GIGYF2: variants seen among roughly 807,000 people sequenced by gnomAD.
The protein encoded by GIGYF2 is GRB10 interacting GYF protein 2, also known as GRB10-interacting GYF protein 2.
GIGYF2 carries 25 observed loss-of-function variants against 208.1 expected under a neutral mutation model. The ratio of observed to expected loss-of-function variants is 0.12; its 90% CI spans 0.09 to 0.17. The LOEUF is 0.17. GIGYF2 is among the 10% of genes least tolerant of loss of function. GIGYF2 has a pLI of 1.00. For missense variants in GIGYF2, 1,302 were observed against 1,579.4 expected, an observed-to-expected ratio of 0.82 and a Z score of 2.98; for synonymous variants, 534 against 543.8, an observed-to-expected ratio of 0.98 and a Z score of 0.25.
At chr2:232,784,548 G>C (rs976553341) in intron 8 of GIGYF2, among the ~76,000 whole-genome samples, 1 of 151,070 alleles carries the variant, frequency 6.6e-6, no homozygotes, top group African/African-American at 2.4e-5. Context: ...CCGCCACCGC[G>C]CCCGGCTAAT....
chr2:232,733,294 A>G (rs1050874388), intron 2 of GIGYF2, among the ~76,000 whole-genome samples: 1 of 150,856 alleles, frequency 6.6e-6, no homozygotes, highest in Non-Finnish European at 1.5e-5. Flanking sequence ...GGAGGGGACT[A>G]AGTTTACCTC....
chr2:232,807,916 A>G (rs1257255630), intron 15 of GIGYF2, among the ~76,000 whole-genome samples: 1 of 152,206 alleles, frequency 6.6e-6, no homozygotes, highest in African/African-American at 2.4e-5. Context: ...TAAAGTCACC[A>G]TTGACTTATT....
chr2:232,764,640 C>T (rs965301323), intron 8 of GIGYF2: 2 of 152,158 alleles, frequency 1.3e-5, no homozygotes, highest in African/African-American at 2.4e-5. Context: ...CTGTATGTTT[C>T]TAAAGGGCAG....
intron 21 of GIGYF2, among the ~76,000 whole-genome samples, chr2:232,821,549 TCTTA>T (rs1446839241): frequency 2.6e-5 from 4 of 152,198 alleles, no homozygotes; most frequent in African/African-American, 7.2e-5. Context: ...TACTTTTAGC[TCTTA>T]CTTTTAGTTT....
At chr2:232,701,770 C>CA (rs967048647) in intron 1 of GIGYF2, among the ~76,000 whole-genome samples, 18 of 151,798 alleles carry the variant, frequency 1.2e-4, no homozygotes, top group Admixed American at 5.9e-4. Flanking sequence ...TTTAATTTTG[C>CA]AAAAAAAGTA....
At chr2:232,776,377 T>C (rs1381535368) in intron 8 of GIGYF2, 1 of 1,210,012 alleles carries the variant, frequency 8.3e-7, no homozygotes, top group Non-Finnish European at 1.2e-6. Flanking sequence ...TCTGTTGCTA[T>C]TTGCCAGTCA....
intron 28 of GIGYF2, among the ~76,000 whole-genome samples, chr2:232,854,200 A>G (rs1175200297): frequency 1.3e-5 from 2 of 152,234 alleles, no homozygotes; most frequent in African/African-American, 2.4e-5. Flanking sequence ...CTTTAAAAAC[A>G]TAAACATTAG....
At chr2:232,847,298 T>A in intron 26 of GIGYF2, 50 bp from the exon 27 acceptor site, 1 of 1,592,020 alleles carries the variant, frequency 6.3e-7, no homozygotes, top group South Asian at 1.1e-5. Flanking sequence ...TTGTAAGTTC[T>A]CTTTCATTAT....
At chr2:232,804,512 G>A (rs776794310) in intron 14 of GIGYF2, among the ~76,000 whole-genome samples, 29 of 151,170 alleles carry the variant, frequency 1.9e-4, no homozygotes, top group Middle Eastern at 3.4e-3. Flanking sequence ...CTTTTTTTGA[G>A]ATGGAGTCTC....
chr2:232,744,837 G>C (rs527866501), intron 3 of GIGYF2, among the ~76,000 whole-genome samples: 1 of 152,226 alleles, frequency 6.6e-6, no homozygotes, highest in African/African-American at 2.4e-5. Context: ...CCGGTCAATT[G>C]TGGTCTTTTT....
At chr2:232,826,069 G>A (rs915610812) in intron 21 of GIGYF2, among the ~76,000 whole-genome samples, 8 of 152,134 alleles carry the variant, frequency 5.3e-5, no homozygotes, top group African/African-American at 1.9e-4. Flanking sequence ...ATTCCATGGT[G>A]TATATGTGCC....
rs1700221689 is a variant in GIGYF2 at position 232,796,331 on chromosome 2, C to T, written c.1639+110C>T. The T allele has an allele frequency of 3.8e-6, 3 of 780,092 alleles. No homozygotes were observed. In the Admixed American group the frequency reaches 5.4e-5, roughly 14 times the overall value. The allele number at this position is 780,092 out of a possible 1,614,324, so 48.3% of individuals were successfully genotyped here. Reference sequence around the variant, plus strand: ...TATAGTAGAAAAAGAAGTCAACAAGCACACACGCGCGCACACACGCAGACT... The same window carrying T: ...TATAGTAGAAAAAGAAGTCAACAAGTACACACGCGCGCACACACGCAGACT... On this transcript the variant is annotated intron_variant, in intron 14 of 28. Transcript: ENST00000373563.
chr2:232,857,048 C>T lies in GIGYF2; in HGVS notation c.*188C>T. On this transcript the variant is annotated 3_prime_UTR_variant, in exon 29 of 29. Coordinates refer to ENST00000373563, the MANE Select transcript of GIGYF2 (RefSeq NM_001103146.3). Reference sequence around the variant, plus strand: ...TTAATCCATTTTTGTTGGTGAACATCTCAGACTATAGATAAGTGGACTGGA... The same window carrying T: ...TTAATCCATTTTTGTTGGTGAACATTTCAGACTATAGATAAGTGGACTGGA... 1 of 644,420 alleles carries T rather than the reference C, an allele frequency of 1.6e-6. No homozygotes were observed. Among genetic ancestry groups the T allele is most frequent in the Non-Finnish European group, 2.8e-6 (1 of 354,600 alleles). The allele number at this position is 644,420 out of a possible 1,614,324, so 39.9% of individuals were successfully genotyped here. A position where few individuals can be genotyped will look rare whatever the true frequency, so the allele number is the denominator to read the frequency against.
At chr2:232,771,816 G>A (rs1241238987) in intron 8 of GIGYF2, among the ~76,000 whole-genome samples, 1 of 152,118 alleles carries the variant, frequency 6.6e-6, no homozygotes, top group Non-Finnish European at 1.5e-5. Context: ...AAATATGTAA[G>A]TGTTCTTCTG....
rs1559160588 is a variant in GIGYF2 at position 232,836,308 on chromosome 2, ATATATATATATATATATATATAC to A, written c.2766+3216_2766+3238del. Among the ~76,000 whole-genome samples the A allele has an allele frequency of 3.4e-3, 73 of 21,586 alleles. 14 individuals carry two copies. Among genetic ancestry groups the A allele is most frequent in the African/African-American group, 0.011 (71 of 6,644 alleles). The allele number at this position is 21,586 out of a possible 152,430, so 14.2% of individuals were successfully genotyped here. ...TATATATATATATATATATATATAT[ATATATATATATATATATATATAC>A]ATATATATACTTATATATTTATATA... On this transcript the variant is annotated intron_variant, in intron 22 of 28. Coordinates refer to ENST00000373563, the MANE Select transcript of GIGYF2 (RefSeq NM_001103146.3).
chr2:232,798,275 A>G (rs757633330), intron 14 of GIGYF2, among the ~76,000 whole-genome samples: 1 of 152,214 alleles, frequency 6.6e-6, no homozygotes, highest in African/African-American at 2.4e-5. Flanking sequence ...ATTGTGTGAT[A>G]TGAATGTTAT....
chr2:232,707,557 G>C (rs1696178132), intron 2 of GIGYF2, among the ~76,000 whole-genome samples: 1 of 151,982 alleles, frequency 6.6e-6, no homozygotes, highest in Non-Finnish European at 1.5e-5. Context: ...CGTCCTGCAA[G>C]ATCAGTGAAT....
chr2:232,758,732 TTA>T (rs1698636104), intron 6 of GIGYF2, among the ~76,000 whole-genome samples: 2 of 152,192 alleles, frequency 1.3e-5, no homozygotes, highest in South Asian at 4.1e-4. Flanking sequence ...TTTTTTATAT[TTA>T]TATGTTTCTG....
At chr2:232,791,218 A>C (rs1427310874) in intron 11 of GIGYF2, 40 bp from the exon 12 acceptor site, 4 of 1,613,766 alleles carry the variant, frequency 2.5e-6, no homozygotes, top group Admixed American at 1.7e-5. Flanking sequence ...CATCAAACCA[A>C]AACTTTCGTA....
Sources: gnomAD v4.1 joint callset for allele counts (sites outside exome capture counted in the v4.1 genomes callset) on GRCh38, gnomAD v4.1.1 for gene constraint, MANE v1.5 for transcripts, NCBI Gene and HGNC (gene_info 2026-07-23, HGNC 2026-07-21) for gene names.